SEMA6D: variants seen among roughly 807,000 people sequenced by gnomAD.
The protein encoded by SEMA6D is semaphorin 6D.
SEMA6D carries 35 observed loss-of-function variants against 106.6 expected under a neutral mutation model. The observed-to-expected ratio is 0.33, with a 90% CI of 0.25 to 0.44. SEMA6D has a LOEUF of 0.44. SEMA6D is among the 20% of genes least tolerant of loss of function. The pLI is 1.00. For synonymous variants in SEMA6D, 499 were observed against 487.7 expected, an observed-to-expected ratio of 1.02 and a Z score of -0.31; for missense variants, 1,185 against 1,345.9, an observed-to-expected ratio of 0.88 and a Z score of 1.87.
chr15:47,679,415 A>G (rs1011461387), intron 4 of SEMA6D, among the ~76,000 whole-genome samples: 5 of 152,112 alleles, frequency 3.3e-5, no homozygotes, highest in African/African-American at 1.2e-4. Context: ...CTGAGAAATA[A>G]AAAAAAGTAC....
At chr15:47,687,976 A>G (rs2078505276) in intron 4 of SEMA6D, among the ~76,000 whole-genome samples, 1 of 152,174 alleles carries the variant, frequency 6.6e-6, no homozygotes, top group Non-Finnish European at 1.5e-5. Flanking sequence ...GCGCTATCCA[A>G]CTACAGATGA....
intron 1 of SEMA6D, among the ~76,000 whole-genome samples, chr15:47,186,180 T>G (rs1893559535): frequency 6.6e-6 from 1 of 152,166 alleles, no homozygotes; most frequent in Admixed American, 6.5e-5. Context: ...TATATTTCAC[T>G]TTGACATCCC....
chr15:47,654,202 T>C (rs1300174312), intron 4 of SEMA6D, among the ~76,000 whole-genome samples: 2 of 152,174 alleles, frequency 1.3e-5, no homozygotes, highest in African/African-American at 4.8e-5. Flanking sequence ...TTTATACCAC[T>C]TTTTAACCAG....
intron 1 of SEMA6D, chr15:47,730,304 C>G: frequency 6.6e-7 from 1 of 1,521,646 alleles, no homozygotes; most frequent in Non-Finnish European, 9.0e-7. Context: ...AGCCAAAGCG[C>G]CTTTGTCTTC....
chr15:47,719,935 A>G (rs2146281824), intron 1 of SEMA6D, among the ~76,000 whole-genome samples: 1 of 152,352 alleles, frequency 6.6e-6, no homozygotes, highest in South Asian at 2.1e-4. Flanking sequence ...ATAAATAGAA[A>G]ATGCCAGATA....
chr15:47,553,065 G>A (rs1041755277), intron 3 of SEMA6D, among the ~76,000 whole-genome samples: 4 of 148,286 alleles, frequency 2.7e-5, no homozygotes, highest in Non-Finnish European at 4.5e-5. Flanking sequence ...CTCCACACCC[G>A]GCTAATTTTT....
Position 47,678,058 on chromosome 15 carries a change from T to C in SEMA6D, c.-55+77162T>C, listed in dbSNP as rs192988802. Among the ~76,000 whole-genome samples, 324 of 152,282 alleles carry C rather than the reference T, an allele frequency of 2.1e-3. 2 individuals are homozygous for C. The highest frequency in any genetic ancestry group is 7.6e-3 in the African/African-American group (314 of 41,566). On this transcript the variant is annotated intron_variant, in intron 4 of 19. Transcript: ENST00000558014. ...ATTTTCTCCTGCAAATCTCAGAGCATTTGACACATTCACTAGCCTAAGGTT... is the reference window on the plus strand; with the variant it reads ...ATTTTCTCCTGCAAATCTCAGAGCACTTGACACATTCACTAGCCTAAGGTT...
At chr15:47,339,542 C>T (rs1455291713) in intron 1 of SEMA6D, among the ~76,000 whole-genome samples, 1 of 152,142 alleles carries the variant, frequency 6.6e-6, no homozygotes, top group African/African-American at 2.4e-5. Flanking sequence ...TTTTTCCTGA[C>T]ACATATACTA....
intron 3 of SEMA6D, among the ~76,000 whole-genome samples, chr15:47,504,584 A>T (rs2043973587): frequency 6.6e-6 from 1 of 152,210 alleles, no homozygotes; most frequent in South Asian, 2.1e-4. Flanking sequence ...CGTCAGACAG[A>T]TAAACATCAA....
intron 3 of SEMA6D, among the ~76,000 whole-genome samples, chr15:47,551,673 C>CTGTGTGTGTGTGTGTG (rs3050565): frequency 0.087 from 12,293 of 141,248 alleles, 928 homozygotes; most frequent in African/African-American, 0.19. Context: ...ATCTGGGACT[C>CTGTGTGTGTGTGTGTG]TGTGTGTGTG....
intron 2 of SEMA6D, among the ~76,000 whole-genome samples, chr15:47,419,021 A>T (rs2140379880): frequency 6.6e-6 from 1 of 152,254 alleles, no homozygotes; most frequent in African/African-American, 2.4e-5. Context: ...AAAATATTAC[A>T]ATGATCCTCT....
chr15:47,674,831 C>T (rs1252099548), intron 4 of SEMA6D, among the ~76,000 whole-genome samples: 1 of 152,104 alleles, frequency 6.6e-6, no homozygotes, highest in Non-Finnish European at 1.5e-5. Flanking sequence ...TTTGCAGCTG[C>T]CCCTTTATTG....
chr15:47,277,019 C>A (rs1566967773), intron 1 of SEMA6D, among the ~76,000 whole-genome samples: 1 of 152,086 alleles, frequency 6.6e-6, no homozygotes, highest in East Asian at 1.9e-4. Flanking sequence ...GAGGAAATAA[C>A]TGTAGATGTG....
intron 1 of SEMA6D, among the ~76,000 whole-genome samples, chr15:47,308,539 A>G (rs145488227): frequency 0.012 from 1,881 of 152,326 alleles, 22 homozygotes; most frequent in Middle Eastern, 0.068. Flanking sequence ...AAATCTTCAG[A>G]ACGAATCCCG....
chr15:47,649,200 G>A (rs1259675073), intron 4 of SEMA6D, among the ~76,000 whole-genome samples: 1 of 152,134 alleles, frequency 6.6e-6, no homozygotes, highest in Non-Finnish European at 1.5e-5. Context: ...TTGTGTACAG[G>A]GCTTTACGTG....
intron 3 of SEMA6D, among the ~76,000 whole-genome samples, chr15:47,472,840 G>C (rs1295168168): frequency 1.3e-5 from 2 of 152,158 alleles, no homozygotes; most frequent in Non-Finnish European, 2.9e-5. Context: ...GTAGGAGGTA[G>C]AATCACTTTT....
intron 3 of SEMA6D, among the ~76,000 whole-genome samples, chr15:47,552,888 ATAAATATATATATATAT>A (rs1328537685): frequency 6.3e-5 from 1 of 15,884 alleles, no homozygotes; most frequent in African/African-American, 2.6e-4. Flanking sequence ...ATAAATATAT[ATAAATATATATATATAT>A]AAATATATAT....
chr15:47,731,331 A>G, intron 1 of SEMA6D, among the ~76,000 whole-genome samples: 1 of 147,500 alleles, frequency 6.8e-6, no homozygotes, highest in Admixed American at 6.7e-5. Context: ...CCCCCGGTTG[A>G]ACACATAGAA....
At chr15:47,762,025 A>G (rs2082085723) in intron 7 of SEMA6D, among the ~76,000 whole-genome samples, 175 bp from the exon 8 acceptor site, 1 of 152,202 alleles carries the variant, frequency 6.6e-6, no homozygotes, top group Non-Finnish European at 1.5e-5. Context: ...CTGTAAAATT[A>G]GATAATATCA....
Sources: allele counts gnomAD v4.1 joint callset (sites outside exome capture counted in the v4.1 genomes callset), GRCh38; gene constraint gnomAD v4.1.1; transcripts MANE v1.5; gene names NCBI Gene and HGNC (gene_info 2026-07-23, HGNC 2026-07-21).